Variants in ZNF804B observed in about 807,000 individuals in gnomAD.
The protein encoded by ZNF804B is zinc finger 804B.
Under a neutral mutation model 101.4 loss-of-function variants are expected in ZNF804B, and 80 were observed. The observed-to-expected ratio is 0.79, with a 90% confidence interval of 0.66 to 0.95. The LOEUF (loss-of-function observed/expected upper bound fraction) is 0.95, where lower values mean the gene tolerates loss of function less well. Among genes scored for constraint, ZNF804B ranks in the 40% least tolerant of loss-of-function variants. The pLI is 0.00. For synonymous variants in ZNF804B, 622 were observed against 558.8 expected (o/e 1.11, Z -1.59); for missense variants, 1,673 against 1,561.9 (o/e 1.07, Z -1.20).
At chr7:89,163,012 T>G (rs1791090862) in intron 1 of ZNF804B, among the ~76,000 whole-genome samples, 1 of 152,002 alleles carries the variant, frequency 6.6e-6, no homozygotes, top group Admixed American at 6.6e-5. Flanking sequence ...CTCATCATTT[T>G]TTATGGCTGC....
Position 89,270,459 on chromosome 7 carries a change from G to T in ZNF804B, c.249+52164G>T, listed in dbSNP as rs546166880. ...TTGGTACCAGTATCATGCTGTTTTGGTTACTGTAGCCTTGTAGTATAGTTT... is the reference window on the plus strand; with the variant it reads ...TTGGTACCAGTATCATGCTGTTTTGTTTACTGTAGCCTTGTAGTATAGTTT... On this transcript the variant is annotated intron_variant, in intron 2 of 3. Coordinates refer to ENST00000333190, the MANE Select transcript of ZNF804B (RefSeq NM_181646.5). Among the ~76,000 whole-genome samples, 191 of 152,258 alleles carry T rather than the reference G, an allele frequency of 1.3e-3. 1 individual carries two copies. Among genetic ancestry groups the T allele is most frequent in the African/African-American group, 4.2e-3 (176 of 41,564 alleles).
intron 1 of ZNF804B, chr7:88,795,530 A>G (rs1200763984): frequency 6.6e-6 from 1 of 151,420 alleles, no homozygotes; most frequent in East Asian, 1.9e-4. Flanking sequence ...TCCCCCCTTT[A>G]TTTGTTTTCT....
intron 1 of ZNF804B, among the ~76,000 whole-genome samples, chr7:88,936,304 T>G (rs920282727): frequency 6.6e-6 from 1 of 152,186 alleles, no homozygotes; most frequent in Non-Finnish European, 1.5e-5. Flanking sequence ...GGGAAGTTTA[T>G]GTAGAGGAAC....
chr7:88,839,562 T>C (rs1427961949), intron 1 of ZNF804B, among the ~76,000 whole-genome samples: 1 of 151,988 alleles, frequency 6.6e-6, no homozygotes, highest in Non-Finnish European at 1.5e-5. Context: ...CTTCAAGAAA[T>C]TGAAATAATT....
In ZNF804B at chr7:89,238,974, T is replaced by C. The variant is rs148880898; in HGVS notation, c.249+20679T>C. On this transcript the variant is annotated intron_variant, in intron 2 of 3. Transcript: ENST00000333190. ...GCTTCAAGTCTACCTTCTTGTAATA[T>C]CTACTCTTAATATCTATGATTTTGT... 9.5e-3 allele frequency among the ~76,000 whole-genome samples: 1,444 copies of C among 152,308 alleles called. 27 individuals are homozygous for C. Among genetic ancestry groups the C allele is most frequent in the African/African-American group, 0.032 (1,346 of 41,572 alleles).
At chr7:89,278,434 G>A (rs1790025425) in intron 2 of ZNF804B, among the ~76,000 whole-genome samples, 1 of 150,496 alleles carries the variant, frequency 6.6e-6, no homozygotes, top group Non-Finnish European at 1.5e-5. Flanking sequence ...CCGTGCCTAT[G>A]TCCTGAATGG....
chr7:88,888,876 A>G (rs1160402261), intron 1 of ZNF804B, among the ~76,000 whole-genome samples: 1 of 152,104 alleles, frequency 6.6e-6, no homozygotes, highest in African/African-American at 2.4e-5. Context: ...GGTTTGGGTT[A>G]CAATTGATTG....
At position 88,996,011 on chromosome 7, in the gene ZNF804B, C is replaced by T. The variant is rs1391001586; in HGVS notation, c.109-222144C>T. On this transcript the variant is annotated intron_variant, in intron 1 of 3. Coordinates refer to ENST00000333190, the MANE Select transcript of ZNF804B (RefSeq NM_181646.5). ...TCAGACCTTAGAGGATCTAAGAAGC[C>T]ATGGCAGCTAAACATAGTGTGGCAT... 2.0e-5 allele frequency among the ~76,000 whole-genome samples: 3 copies of T among 151,946 alleles called. No individual in the cohort carries two copies. In the East Asian group the frequency reaches 5.8e-4, roughly 29 times the overall value.
At chr7:89,141,238 A>C (rs886240755) in intron 1 of ZNF804B, among the ~76,000 whole-genome samples, 1 of 152,072 alleles carries the variant, frequency 6.6e-6, no homozygotes, top group Non-Finnish European at 1.5e-5. Flanking sequence ...ATAATAATTA[A>C]AACATTTAAA....
In ZNF804B at chr7:88,988,845, A is replaced by G. The variant is rs187667521; in HGVS notation, c.108+228761A>G. ...GAACCTTTTAAAACGAATTCATGCAAGAAGGATTTATATAACTTGCTGTCT... is the reference window on the plus strand; with the variant it reads ...GAACCTTTTAAAACGAATTCATGCAGGAAGGATTTATATAACTTGCTGTCT... On this transcript the variant is annotated intron_variant, in intron 1 of 3. Transcript: ENST00000333190. 3.1e-3 allele frequency among the ~76,000 whole-genome samples: 478 copies of G among 152,258 alleles called. 8 individuals carry two copies. Among genetic ancestry groups the G allele is most frequent in the African/African-American group, 0.011 (457 of 41,580 alleles).
At chr7:89,285,549 GAAGAAGA>G (rs1304021564) in intron 2 of ZNF804B, among the ~76,000 whole-genome samples, 6 of 42,892 alleles carry the variant, frequency 1.4e-4, no homozygotes, top group Non-Finnish European at 2.2e-4. Context: ...AAAAAAAAAA[GAAGAAGA>G]AGAAGAAGAA....
chr7:89,113,057 G>GT (rs1790244430), intron 1 of ZNF804B, among the ~76,000 whole-genome samples: 1 of 152,194 alleles, frequency 6.6e-6, no homozygotes, highest in South Asian at 2.1e-4. Flanking sequence ...GGGAGAATAT[G>GT]TGAGAAGATG....
At chr7:89,024,134 C>T (rs1350913284) in intron 1 of ZNF804B, among the ~76,000 whole-genome samples, 1 of 152,152 alleles carries the variant, frequency 6.6e-6, no homozygotes, top group Non-Finnish European at 1.5e-5. Context: ...AATAATATCC[C>T]ACTGGCTAGA....
chr7:89,267,219 A>G (rs1474174769), intron 2 of ZNF804B, among the ~76,000 whole-genome samples: 1 of 152,054 alleles, frequency 6.6e-6, no homozygotes, highest in African/African-American at 2.4e-5. Context: ...TTCCAAGGCT[A>G]TATTTCCCAC....
intron 2 of ZNF804B, among the ~76,000 whole-genome samples, chr7:89,296,660 C>T (rs868672902): frequency 3.3e-5 from 5 of 151,984 alleles, no homozygotes; most frequent in Non-Finnish European, 7.4e-5. Context: ...TGTAGTAGAC[C>T]CCAATACTTG....
At chr7:88,854,527 T>TTTCCTTCCCTTCCCTTCCCTTCCTTCC (rs1791520224) in intron 1 of ZNF804B, among the ~76,000 whole-genome samples, 11 of 40,078 alleles carry the variant, frequency 2.7e-4, no homozygotes, top group African/African-American at 1.1e-3. Flanking sequence ...CTTTCCTTCC[T>TTTCCTTCCCTTCCCTTCCCTTCCTTCC]TTCCTTCCTT....
chr7:89,299,054 C>T (rs149981559), intron 2 of ZNF804B, among the ~76,000 whole-genome samples: 3,623 of 152,124 alleles, frequency 0.024, 44 homozygotes, highest in Non-Finnish European at 0.036. Context: ...TCCAGTCAGA[C>T]TTCTCAACTT....
chr7:89,166,954 C>A (rs1791153374), intron 1 of ZNF804B, among the ~76,000 whole-genome samples: 1 of 151,924 alleles, frequency 6.6e-6, no homozygotes, highest in Admixed American at 6.6e-5. Context: ...CTGAATGGTA[C>A]CAGGTAGGGT....
Position 88,760,093 on chromosome 7 carries a change from C to T in ZNF804B, c.108+9C>T, listed in dbSNP as rs2115601160. ...ACGGATCTCCCTCTCCGGTAATGTGCGCGCGCACACACATACATACACAAA... is the reference window on the plus strand; with the variant it reads ...ACGGATCTCCCTCTCCGGTAATGTGTGCGCGCACACACATACATACACAAA... On this transcript the variant is annotated intron_variant, in intron 1 of 3. Transcript: ENST00000333190. The T allele has an allele frequency of 6.2e-7, 1 of 1,603,854 alleles. No individual in the cohort carries two copies.
Sources: allele counts gnomAD v4.1 joint callset (sites outside exome capture counted in the v4.1 genomes callset), GRCh38; gene constraint gnomAD v4.1.1; transcripts MANE v1.5; gene names NCBI Gene and HGNC (gene_info 2026-07-23, HGNC 2026-07-21).